Variants in HERPUD2 observed in about 807,000 individuals in gnomAD.
The protein encoded by HERPUD2 is homocysteine-responsive endoplasmic reticulum-resident ubiquitin-like domain member 2 protein.
A neutral mutation model predicts 49.9 loss-of-function variants in HERPUD2; 13 were observed. That is an observed-to-expected ratio of 0.26 (90% CI 0.17 to 0.41). The LOEUF is 0.41. Among genes scored for constraint, HERPUD2 ranks in the 10% least tolerant of loss-of-function variants. The pLI is 1.00. For synonymous variants in HERPUD2, 172 were observed against 171.4 expected (o/e 1.00, Z -0.03); for missense variants, 449 against 492.2 (o/e 0.91, Z 0.83).
intron 2 of HERPUD2, among the ~76,000 whole-genome samples, chr7:35,678,788 TTAATA>T (rs1290687782): frequency 2.6e-5 from 4 of 152,208 alleles, no homozygotes; most frequent in African/African-American, 9.6e-5. Flanking sequence ...CTTCTAGATG[TTAATA>T]TATTATCTGC....
chr7:35,691,293 G>A (rs1384656332), intron 2 of HERPUD2, among the ~76,000 whole-genome samples: 1 of 152,140 alleles, frequency 6.6e-6, no homozygotes, highest in Non-Finnish European at 1.5e-5. Flanking sequence ...ATGAAGCTAG[G>A]ATCCCAAGAT....
At chr7:35,643,500 C>T (rs149370485) in intron 5 of HERPUD2, among the ~76,000 whole-genome samples, 1 of 152,074 alleles carries the variant, frequency 6.6e-6, no homozygotes, top group East Asian at 1.9e-4. Flanking sequence ...GGAGTGACTT[C>T]TTAGATATTT....
intron 5 of HERPUD2, among the ~76,000 whole-genome samples, chr7:35,655,082 GC>G (rs2115896333): frequency 6.6e-6 from 1 of 152,068 alleles, no homozygotes; most frequent in South Asian, 2.1e-4. Flanking sequence ...AAAACTTCTG[GC>G]CTCAAGCAAT....
At chr7:35,657,646 G>A (rs183938123) in intron 5 of HERPUD2, among the ~76,000 whole-genome samples, 4 of 140,890 alleles carry the variant, frequency 2.8e-5, no homozygotes, top group South Asian at 4.7e-4. Context: ...GGTGGCTCAC[G>A]AGCCTGTAAT....
At chr7:35,672,882 A>T (rs1418028638) in intron 3 of HERPUD2, among the ~76,000 whole-genome samples, 1 of 152,098 alleles carries the variant, frequency 6.6e-6, no homozygotes, top group Non-Finnish European at 1.5e-5. Context: ...ACTGTTATCA[A>T]TGAAAATCCG....
At chr7:35,647,202 T>C (rs1345045239) in intron 5 of HERPUD2, among the ~76,000 whole-genome samples, 3 of 152,110 alleles carry the variant, frequency 2.0e-5, no homozygotes, top group East Asian at 1.9e-4. Context: ...GAATCCCCAC[T>C]GTGTTCCCAG....
intron 5 of HERPUD2, among the ~76,000 whole-genome samples, chr7:35,645,238 CA>C (rs1785031626): frequency 6.6e-6 from 1 of 152,100 alleles, no homozygotes; most frequent in Non-Finnish European, 1.5e-5. Flanking sequence ...AAATATCCAT[CA>C]GCAGGGACTG....
At chr7:35,664,599 T>A (rs1246364019) in intron 5 of HERPUD2, among the ~76,000 whole-genome samples, 1 of 152,186 alleles carries the variant, frequency 6.6e-6, no homozygotes, top group Non-Finnish European at 1.5e-5. Context: ...CTTTTTACTC[T>A]TTTTTCTCTA....
intron 5 of HERPUD2, among the ~76,000 whole-genome samples, chr7:35,646,237 T>G (rs545996826): frequency 6.6e-6 from 1 of 152,262 alleles, no homozygotes; most frequent in Non-Finnish European, 1.5e-5. Flanking sequence ...AGTAAAAATT[T>G]CAACTATATT....
chr7:35,648,673 T>G (rs1351911417), intron 5 of HERPUD2, among the ~76,000 whole-genome samples: 1 of 152,232 alleles, frequency 6.6e-6, no homozygotes, highest in Non-Finnish European at 1.5e-5. Context: ...AGTCATTAGC[T>G]TGCCCTCTTG....
chr7:35,662,829 C>A (rs36198748), intron 5 of HERPUD2, among the ~76,000 whole-genome samples: 47,646 of 152,016 alleles, frequency 0.31, 8,167 homozygotes, highest in Non-Finnish European at 0.38. Context: ...CAGCTCCTGG[C>A]TTCATTGATA....
At chr7:35,657,118 A>G (rs1354659336) in intron 5 of HERPUD2, among the ~76,000 whole-genome samples, 1 of 152,184 alleles carries the variant, frequency 6.6e-6, no homozygotes, top group African/African-American at 2.4e-5. Flanking sequence ...CTGACAAGGA[A>G]CTAATATGTA....
At chr7:35,667,681 C>T (rs1276272824) in intron 4 of HERPUD2, 93 bp from the exon 5 acceptor site, 1 of 934,842 alleles carries the variant, frequency 1.1e-6, no homozygotes, top group Non-Finnish European at 1.6e-6. Flanking sequence ...CATGAAATCC[C>T]TCTGCAAAAT....
Position 35,667,416 on chromosome 7 carries a change from T to C in HERPUD2, c.494+18A>G. ...GGGGGCCCCAATCACATTCCATAGC[T>C]ACCACAATTTCACTTACCCTTGCAT... On this transcript the variant is annotated intron_variant, in intron 5 of 8. Transcript: ENST00000311350. 1 of 1,600,120 alleles carries C rather than the reference T, an allele frequency of 6.2e-7. No homozygotes were observed. The highest frequency in any genetic ancestry group is 1.3e-5 in the African/African-American group (1 of 74,910).
chr7:35,662,407 T>C (rs1208796428), intron 5 of HERPUD2, among the ~76,000 whole-genome samples: 1 of 152,182 alleles, frequency 6.6e-6, no homozygotes, highest in Non-Finnish European at 1.5e-5. Context: ...TTAGGGAGGA[T>C]CCCCTCTTTT....
chr7:35,634,922 A>G (rs1784845958), intron 7 of HERPUD2, among the ~76,000 whole-genome samples: 1 of 152,242 alleles, frequency 6.6e-6, no homozygotes, highest in African/African-American at 2.4e-5. Flanking sequence ...TTTATAAAAT[A>G]CAGTAAACAA....
intron 5 of HERPUD2, among the ~76,000 whole-genome samples, chr7:35,645,961 A>C (rs1785048310): frequency 6.6e-6 from 1 of 152,200 alleles, no homozygotes; most frequent in Non-Finnish European, 1.5e-5. Flanking sequence ...ATTACCTCTT[A>C]GAAAATAATT....
rs1785547919 is a variant in HERPUD2 at position 35,666,838 on chromosome 7, T to C, written c.494+596A>G. On this transcript the variant is annotated intron_variant, in intron 5 of 8. Transcript: ENST00000311350. Reference sequence around the variant, plus strand: ...TATAAAACTCTCAATACAACAAAGATTCTGGACAACATGCAGCAAGATTAG... The same window carrying C: ...TATAAAACTCTCAATACAACAAAGACTCTGGACAACATGCAGCAAGATTAG... Among the ~76,000 whole-genome samples, 3 of 152,180 alleles carry C rather than the reference T, an allele frequency of 2.0e-5. No individual in the cohort carries two copies. The South Asian group carries it at 6.2e-4, about 31-fold the overall frequency.
At chr7:35,637,138 A>AAAGAAAG (rs1784882629) in intron 6 of HERPUD2, among the ~76,000 whole-genome samples, 5 of 135,798 alleles carry the variant, frequency 3.7e-5, no homozygotes, top group African/African-American at 1.1e-4. Flanking sequence ...GTCTCAAAAA[A>AAAGAAAG]AAAGAAAGAA....
Sources: allele counts gnomAD v4.1 joint callset (sites outside exome capture counted in the v4.1 genomes callset), GRCh38; gene constraint gnomAD v4.1.1; transcripts MANE v1.5; gene names NCBI Gene and HGNC (gene_info 2026-07-23, HGNC 2026-07-21).